Variants in ATP8B4 observed in about 807,000 individuals in gnomAD.
ATP8B4 encodes probable phospholipid-transporting ATPase IM.
Under a neutral mutation model 145.6 loss-of-function variants are expected in ATP8B4, and 133 were observed. That is an observed-to-expected ratio of 0.91 (90% confidence interval 0.79 to 1.05). ATP8B4 has a LOEUF of 1.05. Ranked by LOEUF, ATP8B4 falls within the 50% of genes least tolerant of loss-of-function variation. ATP8B4 has a pLI of 0.00. For missense variants in ATP8B4, 1,458 were observed against 1,425.2 expected, an observed-to-expected ratio of 1.02 and a Z score of -0.37; for synonymous variants, 507 against 492.9, an observed-to-expected ratio of 1.03 and a Z score of -0.38.
At chr15:50,170,668 G>C (rs1320877691) in intron 1 of ATP8B4, among the ~76,000 whole-genome samples, 1 of 151,814 alleles carries the variant, frequency 6.6e-6, no homozygotes, top group Non-Finnish European at 1.5e-5. Context: ...AAGTACACAG[G>C]CAACAAAGAG....
chr15:49,890,269 T>A (rs16963019), intron 23 of ATP8B4, among the ~76,000 whole-genome samples: 1 of 152,082 alleles, frequency 6.6e-6, no homozygotes, highest in Non-Finnish European at 1.5e-5. Flanking sequence ...CTGTCAGGAC[T>A]GGACAGAGAA....
intron 1 of ATP8B4, among the ~76,000 whole-genome samples, chr15:50,169,933 C>G (rs767080127): frequency 4.6e-5 from 7 of 152,054 alleles, no homozygotes; most frequent in Non-Finnish European, 8.8e-5. Flanking sequence ...AAAAGAAATT[C>G]AGAGCTCAAA....
intron 14 of ATP8B4, among the ~76,000 whole-genome samples, chr15:49,940,279 G>A (rs1481836832): frequency 6.6e-6 from 1 of 152,114 alleles, no homozygotes; most frequent in African/African-American, 2.4e-5. Flanking sequence ...ATTACCTTAA[G>A]CAAACTAATG....
chr15:49,861,074 C>T (rs28436245), intron 27 of ATP8B4, among the ~76,000 whole-genome samples: 8,584 of 93,810 alleles, frequency 0.092, 320 homozygotes, highest in African/African-American at 0.15. Flanking sequence ...CTGAGGTTTG[C>T]TGTACTCTTT....
intron 2 of ATP8B4, among the ~76,000 whole-genome samples, chr15:50,103,817 C>T (rs940958318): frequency 6.6e-6 from 1 of 152,088 alleles, no homozygotes; most frequent in Non-Finnish European, 1.5e-5. Context: ...CATTACATTA[C>T]CCGACTTCAA....
chr15:50,089,136 A>ATTAAAG (rs2055421350), intron 2 of ATP8B4, among the ~76,000 whole-genome samples: 1 of 152,202 alleles, frequency 6.6e-6, no homozygotes, highest in Admixed American at 6.5e-5. Context: ...CTCAAGATGG[A>ATTAAAG]TTAAAGACTC....
At chr15:50,061,038 C>T (rs2052977911) in intron 3 of ATP8B4, among the ~76,000 whole-genome samples, 1 of 152,070 alleles carries the variant, frequency 6.6e-6, no homozygotes, top group African/African-American at 2.4e-5. Context: ...CTGGATTCCC[C>T]CAGTAGGTCG....
intron 20 of ATP8B4, among the ~76,000 whole-genome samples, chr15:49,905,469 G>T (rs1324906066): frequency 6.7e-6 from 1 of 149,396 alleles, no homozygotes; most frequent in Non-Finnish European, 1.5e-5. Context: ...ACAACTTTGA[G>T]CAATAGCTTT....
At chr15:50,031,726 T>C (rs1380633892) in intron 6 of ATP8B4, among the ~76,000 whole-genome samples, 1 of 152,072 alleles carries the variant, frequency 6.6e-6, no homozygotes, top group Admixed American at 6.5e-5. Context: ...TGGTAAGTTG[T>C]TTCCAAGAAT....
intron 10 of ATP8B4, among the ~76,000 whole-genome samples, chr15:49,986,834 G>A (rs138884798): frequency 9.2e-5 from 14 of 152,312 alleles, no homozygotes; most frequent in African/African-American, 2.6e-4. Context: ...AATTTGGTGG[G>A]CAAGAAGAGT....
intron 20 of ATP8B4, 125 bp from the exon 21 acceptor site, chr15:49,901,364 C>A: frequency 9.8e-7 from 1 of 1,016,716 alleles, no homozygotes; most frequent in Non-Finnish European, 1.4e-6. Context: ...TGGCATAAGA[C>A]CCAGTTTCAG....
At chr15:49,933,881 CTG>C (rs1449137100) in intron 15 of ATP8B4, 134 bp downstream of exon 15, 1 of 876,852 alleles carries the variant, frequency 1.1e-6, no homozygotes. Context: ...ACATCAGTTT[CTG>C]TGTTAAAAAA....
At chr15:50,008,044 C>A (rs1407868231) in intron 7 of ATP8B4, among the ~76,000 whole-genome samples, 1 of 152,172 alleles carries the variant, frequency 6.6e-6, no homozygotes, top group Non-Finnish European at 1.5e-5. Flanking sequence ...AAAGACCAGG[C>A]TTCAGGTCTG....
At chr15:50,169,785 CAAG>C (rs1420456913) in intron 1 of ATP8B4, among the ~76,000 whole-genome samples, 1 of 151,978 alleles carries the variant, frequency 6.6e-6, no homozygotes, top group East Asian at 1.9e-4. Flanking sequence ...AAAAATGATA[CAAG>C]AAGTGAAGGG....
At chr15:49,894,169 A>C (rs1046602717) in intron 23 of ATP8B4, among the ~76,000 whole-genome samples, 4 of 152,210 alleles carry the variant, frequency 2.6e-5, no homozygotes, top group African/African-American at 9.6e-5. Flanking sequence ...AGCTAATAAA[A>C]TTTGTCAGAT....
chr15:50,140,218 G>A (rs1260218358), intron 1 of ATP8B4, among the ~76,000 whole-genome samples: 2 of 152,080 alleles, frequency 1.3e-5, no homozygotes, highest in Non-Finnish European at 2.9e-5. Context: ...AGAAAGATGA[G>A]TACATTGAGC....
chr15:50,009,600 AG>A (rs1258512045), intron 7 of ATP8B4: 86 of 437,658 alleles, frequency 2.0e-4, no homozygotes, highest in African/African-American at 1.7e-3. Flanking sequence ...CTTACACTGG[AG>A]CTACCTTGAT....
intron 21 of ATP8B4, 110 bp from the exon 22 acceptor site, chr15:49,898,361 A>G (rs1263591412): frequency 2.6e-6 from 3 of 1,160,432 alleles, no homozygotes; most frequent in Middle Eastern, 2.5e-4. Flanking sequence ...TTGCTAAACC[A>G]TTTCATTCAC....
At chr15:49,974,857 G>A (rs1198267582) in intron 12 of ATP8B4, among the ~76,000 whole-genome samples, 2 of 152,100 alleles carry the variant, frequency 1.3e-5, no homozygotes, top group South Asian at 2.1e-4. Context: ...TGCTTTCTGT[G>A]TCACAAATAA....
Sources: gnomAD v4.1 joint callset for allele counts (sites outside exome capture counted in the v4.1 genomes callset) on GRCh38, gnomAD v4.1.1 for gene constraint, MANE v1.5 for transcripts, NCBI Gene and HGNC (gene_info 2026-07-23, HGNC 2026-07-21) for gene names.